Variants in PYROXD2 observed in about 807,000 individuals in gnomAD.
The protein encoded by PYROXD2 is pyridine nucleotide-disulfide oxidoreductase domain-containing protein 2.
Under a neutral mutation model 71.1 loss-of-function variants are expected in PYROXD2, and 69 were observed. The observed-to-expected ratio is 0.97, with a 90% CI of 0.80 to 1.19. The LOEUF (loss-of-function observed/expected upper bound fraction) is 1.19, where lower values mean the gene tolerates loss of function less well. PYROXD2 is among the 50% of genes most tolerant of loss of function. The pLI, the probability that PYROXD2 is intolerant of heterozygous loss-of-function variation, is 0.00. For synonymous variants in PYROXD2, 287 were observed against 302.7 expected, an observed-to-expected ratio of 0.95 and a Z score of 0.54; for missense variants, 745 against 748.9, an observed-to-expected ratio of 0.99 and a Z score of 0.06.
At chr10:98,388,785 C>T (rs2274248) in intron 12 of PYROXD2, among the ~76,000 whole-genome samples, 40,948 of 151,598 alleles carry the variant, frequency 0.27, 5,743 homozygotes, top group South Asian at 0.41. Context: ...AGCTCCCAAA[C>T]GCAAATGTCT....
intron 2 of PYROXD2, among the ~76,000 whole-genome samples, chr10:98,408,608 A>C (rs1366164769): frequency 6.6e-6 from 1 of 152,234 alleles, no homozygotes; most frequent in Non-Finnish European, 1.5e-5. Context: ...TGTACTCAGT[A>C]AATGAAGCGG....
intron 1 of PYROXD2, 86 bp downstream of exon 1, chr10:98,414,923 G>C: frequency 6.5e-7 from 1 of 1,541,684 alleles, no homozygotes; most frequent in South Asian, 1.3e-5. Context: ...AGTGGGGCTT[G>C]GCTCCCCCTC....
chr10:98,412,548 T>C (rs1006732329), intron 1 of PYROXD2, among the ~76,000 whole-genome samples: 3 of 128,580 alleles, frequency 2.3e-5, no homozygotes, highest in African/African-American at 1.0e-4. Context: ...ATCTCCATTT[T>C]AACAAGCCCC....
At chr10:98,406,035 T>C (rs1028059010) in intron 4 of PYROXD2, among the ~76,000 whole-genome samples, 6 of 152,216 alleles carry the variant, frequency 3.9e-5, no homozygotes, top group Non-Finnish European at 8.8e-5. Context: ...GGAGTTTAGT[T>C]GTCCTCCTGT....
chr10:98,405,422 T>G (rs913128220), intron 4 of PYROXD2, among the ~76,000 whole-genome samples: 1 of 152,088 alleles, frequency 6.6e-6, no homozygotes, highest in Admixed American at 6.6e-5. Context: ...GGTGGGTGAG[T>G]AGTCTCCAGC....
chr10:98,411,489 A>G (rs1382960075), intron 1 of PYROXD2: 4 of 123,632 alleles, frequency 3.2e-5, no homozygotes, highest in South Asian at 2.8e-4. Flanking sequence ...CTTTATTCAC[A>G]TGGGTTTTTT....
Sources: gnomAD v4.1 joint callset for allele counts (sites outside exome capture counted in the v4.1 genomes callset) on GRCh38, gnomAD v4.1.1 for gene constraint, MANE v1.5 for transcripts, NCBI Gene and HGNC (gene_info 2026-07-23, HGNC 2026-07-21) for gene names.